VPS35: variants seen among roughly 807,000 people sequenced by gnomAD.
The protein encoded by VPS35 is vacuolar protein sorting-associated protein 35.
In VPS35, 21 loss-of-function variants were observed where a neutral mutation model predicts 98.1. That is an observed-to-expected ratio of 0.21 (90% confidence interval 0.15 to 0.31). The LOEUF is 0.31. Among genes scored for constraint, VPS35 ranks in the 10% least tolerant of loss-of-function variants. The pLI is 1.00. For missense variants in VPS35, 554 were observed against 950.8 expected (o/e 0.58, Z 5.49); for synonymous variants, 268 against 318.2 (o/e 0.84, Z 1.68).
rs186634540 is a variant in VPS35, at chr16:46,656,205, C to T, written c.*4267G>A. ...AAGATACGGCTCCTTTCCAATGCAA[C>T]GTCTCTGGGTAGGTGGAGGAATGGC... On this transcript the variant is annotated 3_prime_UTR_variant, in exon 17 of 17. Transcript: ENST00000299138. 2.0e-5 allele frequency: 3 copies of T among 152,206 alleles called. No homozygotes were observed. The highest frequency in any genetic ancestry group is 1.9e-4 in the East Asian group (1 of 5,178). 9.4% of individuals were successfully genotyped at this position (152,206 alleles called of 1,614,324 possible).
At chr16:46,683,806 G>C (rs1204437670) in intron 1 of VPS35, among the ~76,000 whole-genome samples, 200 bp from the exon 2 acceptor site, 2 of 152,092 alleles carry the variant, frequency 1.3e-5, no homozygotes, top group African/African-American at 2.4e-5. Context: ...CTCATGGCAA[G>C]CTCCGCCTCC....
chr16:46,667,535 A>AT (rs1274092617), intron 13 of VPS35, among the ~76,000 whole-genome samples: 2 of 151,810 alleles, frequency 1.3e-5, no homozygotes, highest in Non-Finnish European at 2.9e-5. Flanking sequence ...TTTTAAACTT[A>AT]TTTTTTGCTT....
At chr16:46,664,194 G>A (rs1965955148) in intron 13 of VPS35, among the ~76,000 whole-genome samples, 1 of 151,884 alleles carries the variant, frequency 6.6e-6, no homozygotes, top group Non-Finnish European at 1.5e-5. Context: ...GCATTTTTGT[G>A]TGTGGTTTTC....
At chr16:46,680,536 A>C in intron 5 of VPS35, 135 bp downstream of exon 5, 1 of 912,074 alleles carries the variant, frequency 1.1e-6, no homozygotes. Context: ...AAGGAAATCT[A>C]TATACAAATG....
At chr16:46,663,861 AATTTTTTTTT>A (rs1401625031) in intron 13 of VPS35, among the ~76,000 whole-genome samples, 53 of 19,442 alleles carry the variant, frequency 2.7e-3, no homozygotes, top group African/African-American at 5.9e-3. Flanking sequence ...ACACCTGGCT[AATTTTTTTTT>A]TTTTTTTTTT....
chr16:46,664,510 TTTTTC>T (rs957757723), intron 13 of VPS35, among the ~76,000 whole-genome samples: 8 of 151,720 alleles, frequency 5.3e-5, no homozygotes, highest in South Asian at 4.2e-4. Flanking sequence ...TTGTATCTAA[TTTTTC>T]TTTTCTTTTC....
chr16:46,663,400 A>T (rs1332056115), intron 13 of VPS35, among the ~76,000 whole-genome samples: 1 of 152,204 alleles, frequency 6.6e-6, no homozygotes, highest in African/African-American at 2.4e-5. Context: ...TTTCTTTTTG[A>T]GACAGAGTTT....
intron 13 of VPS35, among the ~76,000 whole-genome samples, chr16:46,666,302 C>G (rs1965988217): frequency 7.0e-6 from 1 of 142,954 alleles, no homozygotes; most frequent in Non-Finnish European, 1.5e-5. Context: ...GAGTTTCACT[C>G]TTGTTGCCCA....
chr16:46,682,986 A>G (rs1966256657), intron 2 of VPS35: 1 of 157,598 alleles, frequency 6.3e-6, no homozygotes, highest in African/African-American at 2.4e-5. Flanking sequence ...ATATAAAAAT[A>G]TGTAAATAAG....
intron 10 of VPS35, chr16:46,673,499 C>T (rs771526210): frequency 6.6e-6 from 1 of 152,154 alleles, no homozygotes; most frequent in Non-Finnish European, 1.5e-5. Flanking sequence ...CTGGCTTGAC[C>T]CAAGCCAGAG....
chr16:46,674,674 A>C lies in VPS35; in HGVS notation c.915-14T>G, dbSNP rs1393420538. The C allele has an allele frequency of 6.3e-7, 1 of 1,589,874 alleles. No homozygotes were observed. The highest frequency in any genetic ancestry group is 8.6e-7 in the Non-Finnish European group (1 of 1,164,846). On this transcript the variant is annotated splice_polypyrimidine_tract_variant and intron_variant, in intron 8 of 16. Transcript: ENST00000299138. ...AATAAAGCTAATCTAAAAAAAAAAA[A>C]AACACCCCTTTATTTTAAAAGATAC...
chr16:46,678,305 T>TAA (rs58288436), intron 6 of VPS35, among the ~76,000 whole-genome samples: 2 of 119,398 alleles, frequency 1.7e-5, no homozygotes, highest in African/African-American at 6.3e-5. Context: ...TGATGAGCTT[T>TAA]AAAAAAAAAA....
chr16:46,669,091 T>C, intron 12 of VPS35, 39 bp from the exon 13 acceptor site: 1 of 1,612,774 alleles, frequency 6.2e-7, no homozygotes, highest in Non-Finnish European at 8.5e-7. Flanking sequence ...ATTTCCAAAC[T>C]CTGATTAATC....
intron 1 of VPS35, among the ~76,000 whole-genome samples, 163 bp from the exon 2 acceptor site, chr16:46,683,769 G>T (rs1966269707): frequency 6.6e-6 from 1 of 152,116 alleles, no homozygotes; most frequent in Non-Finnish European, 1.5e-5. Context: ...CTGTCGCCCA[G>T]GCTGGAGTGC....
At chr16:46,664,999 T>G (rs1041349606) in intron 13 of VPS35, among the ~76,000 whole-genome samples, 1 of 152,206 alleles carries the variant, frequency 6.6e-6, no homozygotes, top group Non-Finnish European at 1.5e-5. Context: ...GAGACCCTAA[T>G]TATTCCCTTA....
intron 7 of VPS35, 65 bp from the exon 8 acceptor site, chr16:46,676,757 A>G: frequency 1.7e-6 from 2 of 1,178,698 alleles, no homozygotes; most frequent in Admixed American, 1.7e-5. Context: ...CACATATGGT[A>G]AAGTTCACAT....
Position 46,674,173 on chromosome 16 carries a change from C to G in VPS35, c.1160+141G>C. On this transcript the variant is annotated intron_variant, in intron 10 of 16. Coordinates refer to ENST00000299138, the MANE Select transcript of VPS35 (RefSeq NM_018206.6). ...AAGTAATTGGTCACTACTTTCTGCCCCTAGTAGTGCTAAGCATGACAATCT... is the reference window on the plus strand; with the variant it reads ...AAGTAATTGGTCACTACTTTCTGCCGCTAGTAGTGCTAAGCATGACAATCT... 3 of 921,524 alleles carry G rather than the reference C, an allele frequency of 3.3e-6. No individual in the cohort carries two copies. The South Asian group carries it at 4.7e-5, about 14-fold the overall frequency. 57.1% of individuals were successfully genotyped at this position (921,524 alleles called of 1,614,324 possible). A position where few individuals can be genotyped will look rare whatever the true frequency, so the allele number is the denominator to read the frequency against.
intron 12 of VPS35, among the ~76,000 whole-genome samples, chr16:46,670,258 G>T (rs151255401): frequency 9.9e-5 from 15 of 152,246 alleles, no homozygotes; most frequent in Admixed American, 4.6e-4. Flanking sequence ...CTCCATACAT[G>T]GGAATAACCA....
chr16:46,681,899 A>G (rs1166285571), intron 3 of VPS35, 180 bp downstream of exon 3: 2 of 605,216 alleles, frequency 3.3e-6, no homozygotes, highest in African/African-American at 1.9e-5. Context: ...AAGCATAGGA[A>G]AGGAGTACTC....
Sources: allele counts gnomAD v4.1 joint callset (sites outside exome capture counted in the v4.1 genomes callset), GRCh38; gene constraint gnomAD v4.1.1; transcripts MANE v1.5; gene names NCBI Gene and HGNC (gene_info 2026-07-23, HGNC 2026-07-21).